The following ZNF605 variants were observed in gnomAD, a reference collection of about 807,000 sequenced individuals.
ZNF605 encodes zinc finger protein 605.
In ZNF605, 9 loss-of-function variants were observed where a neutral mutation model predicts 7.9. The observed-to-expected ratio is 1.14, with a 90% CI of 0.68 to 1.98. The LOEUF (loss-of-function observed/expected upper bound fraction) is 1.98, where lower values mean the gene tolerates loss of function less well. Among genes scored for constraint, ZNF605 ranks in the 30% most tolerant of loss-of-function variants. The pLI is 0.00. For missense variants in ZNF605, 673 were observed against 762.4 expected (o/e 0.88, Z 1.38); for synonymous variants, 255 against 260.1 (o/e 0.98, Z 0.19).
chr12:132,925,481 C>T lies in ZNF605; in HGVS notation c.1818G>A (p.Arg606=), dbSNP rs1593578808. The T allele has an allele frequency of 5.6e-6, 9 of 1,614,128 alleles. No homozygotes were observed. In the African/African-American group the frequency reaches 8.0e-5, roughly 14 times the overall value. Residue 606 remains arginine (R), a synonymous_variant, in exon 5 of 5, where the codon AGG becomes AGA. Transcript: ENST00000360187. ...TATCTCCTGTATGAATCCTCTGATG[C>T]CTCATAAGGTGTGACTTTCTTGTGA... ...KSFTRKSHLM[R]HQRIHTGDKY... is the part of the protein sequence containing the mutation.
At chr12:132,943,349 A>G (rs1593597050) in intron 3 of ZNF605, among the ~76,000 whole-genome samples, 1 of 143,674 alleles carries the variant, frequency 7.0e-6, no homozygotes, top group African/African-American at 2.6e-5. Flanking sequence ...ACAGAGCGAG[A>G]CTCCATCTCA....
At chr12:132,955,095 G>A (rs1458772243) in intron 1 of ZNF605, among the ~76,000 whole-genome samples, 2 of 152,094 alleles carry the variant, frequency 1.3e-5, no homozygotes, top group East Asian at 3.9e-4. Context: ...AAGGGTTATT[G>A]GAAGTGGGGA....
rs1395237848 is a variant in ZNF605, at chr12:132,933,261, CCT to C, written c.16-108_16-107del. The C allele has an allele frequency of 2.4e-5, 31 of 1,283,944 alleles. No homozygotes were observed. The highest frequency in any genetic ancestry group is 3.2e-5 in the Non-Finnish European group (30 of 942,610). The allele number at this position is 1,283,944 out of a possible 1,614,324, so 79.5% of individuals were successfully genotyped here. On this transcript the variant is annotated intron_variant, in intron 3 of 4. Transcript: ENST00000360187. The surrounding 1 kb of genome is among the most constrained non-coding windows in gnomAD (Gnocchi z 4.4). ...GTGGCCTCTAAGATGGCCCCAGTGA[CCT>C]CTGACTCCGGTATTCATGCTTTTGC...
Position 132,925,467 on chromosome 12 carries a change from T to G in ZNF605, c.1832A>C (p.His611Pro). 6.2e-7 allele frequency: 1 copy of G among 1,614,220 alleles called. No homozygotes were observed. The highest frequency in any genetic ancestry group is 8.5e-7 in the Non-Finnish European group (1 of 1,180,034). Residue 611 changes from histidine to proline, a missense_variant, in exon 5 of 5, where the codon CAT becomes CCT. Transcript: ENST00000360187. ...KSHLMRHQRIHTGDKYYGCNE... is the reference protein window; with the variant it reads ...KSHLMRHQRIPTGDKYYGCNE... Reference sequence around the variant, plus strand: ...GCATCCATAGTATTTATCTCCTGTATGAATCCTCTGATGCCTCATAAGGTG... The same window carrying G: ...GCATCCATAGTATTTATCTCCTGTAGGAATCCTCTGATGCCTCATAAGGTG...
chr12:132,953,576 A>G (rs1191440499), intron 1 of ZNF605, among the ~76,000 whole-genome samples: 7 of 151,978 alleles, frequency 4.6e-5, no homozygotes, highest in Non-Finnish European at 1.0e-4. Flanking sequence ...ACAGGCGCCC[A>G]CCACCATGCC....
At chr12:132,927,250 C>G in intron 4 of ZNF605, 88 bp from the exon 5 acceptor site, 1 of 969,632 alleles carries the variant, frequency 1.0e-6, no homozygotes, top group Non-Finnish European at 1.4e-6. Context: ...CGCCATAATC[C>G]CAGTTTTTAA....
intron 4 of ZNF605, chr12:132,932,711 A>C: frequency 6.6e-7 from 1 of 1,523,488 alleles, no homozygotes; most frequent in Non-Finnish European, 8.8e-7. Flanking sequence ...ATTATTCCTC[A>C]CCTGAAAAGT....
Position 132,926,314 on chromosome 12 carries a change from T to A in ZNF605, c.985A>T (p.Arg329Trp). Residue 329 changes from arginine (R) to tryptophan (W), a missense_variant, in exon 5 of 5, where the codon AGG becomes TGG. Coordinates refer to ENST00000360187, the MANE Select transcript of ZNF605 (RefSeq NM_183238.4). ...TAAGGTTTCTTCCCTGTGTGGGTCC[T>A]CTGATGAGTAATCAGCTGCGACTTC... Reference protein sequence around the residue: ...FWKSQLITHQRTHTGKKPYGC... With the variant: ...FWKSQLITHQWTHTGKKPYGC... The A allele has an allele frequency of 6.2e-7, 1 of 1,614,174 alleles. No homozygotes were observed. Among genetic ancestry groups the A allele is most frequent in the South Asian group, 1.1e-5 (1 of 91,086 alleles).
intron 1 of ZNF605, among the ~76,000 whole-genome samples, chr12:132,953,115 G>A (rs1390249336): frequency 7.9e-5 from 12 of 152,074 alleles, no homozygotes; most frequent in African/African-American, 2.7e-4. Context: ...GAATCCAATA[G>A]GCCTGCTTCA....
chr12:132,933,227 T>A lies in ZNF605; in HGVS notation c.16-72A>T. On this transcript the variant is annotated intron_variant, in intron 3 of 4. Coordinates refer to ENST00000360187, the MANE Select transcript of ZNF605 (RefSeq NM_183238.4). The surrounding 1 kb of genome is among the most constrained non-coding windows in gnomAD (Gnocchi z 4.4). ...TCTTGTAAAATACTTTCTTCTGTATTTGTGGTAGGTGGCCTCTAAGATGGC... is the reference window on the plus strand; with the variant it reads ...TCTTGTAAAATACTTTCTTCTGTATATGTGGTAGGTGGCCTCTAAGATGGC... The A allele has an allele frequency of 6.6e-7, 1 of 1,512,146 alleles. No individual in the cohort carries two copies. The highest frequency in any genetic ancestry group is 8.9e-7 in the Non-Finnish European group (1 of 1,124,986). The allele number at this position is 1,512,146 out of a possible 1,614,324, so 93.7% of individuals were successfully genotyped here.
chr12:132,930,158 G>C (rs1000966164), intron 4 of ZNF605, among the ~76,000 whole-genome samples: 1 of 152,166 alleles, frequency 6.6e-6, no homozygotes, highest in South Asian at 2.1e-4. Context: ...AATCACACAA[G>C]TAGCTGAGAC....
chr12:132,949,946 C>T (rs1952540013), intron 1 of ZNF605, among the ~76,000 whole-genome samples: 1 of 152,098 alleles, frequency 6.6e-6, no homozygotes, highest in Non-Finnish European at 1.5e-5. Context: ...CGGCTCGAGG[C>T]AGATTCTCGA....
At position 132,920,333 on chromosome 12, in the gene ZNF605, G is replaced by A. The variant is rs956168170; in HGVS notation, c.*5040C>T. The A allele has an allele frequency of 2.6e-5, 4 of 151,642 alleles. No individual in the cohort carries two copies. Among genetic ancestry groups the A allele is most frequent in the African/African-American group, 9.7e-5 (4 of 41,192 alleles). 9.4% of individuals were successfully genotyped at this position (151,642 alleles called of 1,614,324 possible). A position where few individuals can be genotyped will look rare whatever the true frequency, so the allele number is the denominator to read the frequency against. On this transcript the variant is annotated 3_prime_UTR_variant, in exon 5 of 5. Coordinates refer to ENST00000360187, the MANE Select transcript of ZNF605 (RefSeq NM_183238.4). ...TTTTTGTATTTTTAGTAGAGACGGG[G>A]TTTCACCGTGTTAGCCAGGATGGTC... is the stretch of plus-strand genomic sequence containing the variant.
intron 4 of ZNF605, among the ~76,000 whole-genome samples, chr12:132,929,390 G>A (rs1952283068): frequency 6.6e-6 from 1 of 152,038 alleles, no homozygotes; most frequent in East Asian, 1.9e-4. Context: ...ATCTCAAAAA[G>A]AAAATAGAAT....
Position 132,953,828 on chromosome 12 carries a change from A to G in ZNF605, c.-286+2415T>C, listed in dbSNP as rs1271549051. On this transcript the variant is annotated intron_variant, in intron 1 of 4. Transcript: ENST00000360187. Reference sequence around the variant, plus strand: ...ACACCCACAGGGTCCCCAATTTCTCACCCTCACCCACCCGCACACCCATCA... The same window carrying G: ...ACACCCACAGGGTCCCCAATTTCTCGCCCTCACCCACCCGCACACCCATCA... Among the ~76,000 whole-genome samples, 4 of 151,404 alleles carry G rather than the reference A, an allele frequency of 2.6e-5. No individual in the cohort carries two copies. In the East Asian group the frequency reaches 5.8e-4, roughly 22 times the overall value.
At chr12:132,950,891 CACAG>C (rs1952554163) in intron 1 of ZNF605, among the ~76,000 whole-genome samples, 1 of 151,638 alleles carries the variant, frequency 6.6e-6, no homozygotes, top group Non-Finnish European at 1.5e-5. Context: ...CACACATACT[CACAG>C]ACGCACACAC....
intron 1 of ZNF605, among the ~76,000 whole-genome samples, chr12:132,949,368 C>T (rs1331087073): frequency 6.6e-6 from 1 of 152,166 alleles, no homozygotes; most frequent in Non-Finnish European, 1.5e-5. Context: ...ACTGTTTCGC[C>T]CTGAACGTCT....
In ZNF605 at chr12:132,926,649, CT is replaced by C; in HGVS notation, c.649del (p.Arg217GlufsTer57). On this transcript the variant is annotated frameshift_variant, in exon 5 of 5. Transcript: ENST00000360187. LOFTEE classifies it low-confidence loss of function (END_TRUNC). ...SQKSLLTVHQ[R>X]THSGEKPHGC... ...ATGCGGTTTTTCTCCTGAGTGAGTT[CT>C]TTGATGAACCGTGAGCAGTGACTTC... is the stretch of plus-strand genomic sequence containing the variant. 1 of 1,614,048 alleles carries C rather than the reference CT, an allele frequency of 6.2e-7. No individual in the cohort carries two copies. The highest frequency in any genetic ancestry group is 8.5e-7 in the Non-Finnish European group (1 of 1,180,010).
chr12:132,947,203 C>T lies in ZNF605; in HGVS notation c.-163+945G>A, dbSNP rs1159544876. On this transcript the variant is annotated intron_variant, in intron 2 of 4. Transcript: ENST00000360187. ...AATTTTTTTGTATTTTTAGTAGAGT[C>T]GGGGTTTCACCATATTGGCCAGGCT... Among the ~76,000 whole-genome samples, 6 of 152,026 alleles carry T rather than the reference C, an allele frequency of 3.9e-5. No individual in the cohort carries two copies. In the South Asian group the frequency reaches 6.2e-4, roughly 16 times the overall value.
Sources: gnomAD v4.1 joint callset for allele counts (sites outside exome capture counted in the v4.1 genomes callset) on GRCh38, gnomAD v4.1.1 for gene constraint, Gnocchi (gnomAD v3.1) non-coding constraint, MANE v1.5 for transcripts, NCBI Gene and HGNC (gene_info 2026-07-23, HGNC 2026-07-21) for gene names.